Variants in PBX3 observed in about 807,000 individuals in gnomAD.
PBX3 encodes the protein pre-B-cell leukemia transcription factor 3.
In PBX3, 14 loss-of-function variants were observed where a neutral mutation model predicts 48.5. The ratio of observed to expected loss-of-function variants is 0.29; its 90% confidence interval spans 0.19 to 0.45. The LOEUF (loss-of-function observed/expected upper bound fraction) is 0.45. Among genes scored for constraint, PBX3 ranks in the 20% least tolerant of loss-of-function variants. PBX3 has a pLI of 1.00. For missense variants in PBX3, 386 were observed against 546.7 expected (o/e 0.71, Z 2.93); for synonymous variants, 210 against 200.3 (o/e 1.05, Z -0.41).
intron 5 of PBX3, 22 bp from the exon 6 acceptor site, chr9:125,960,662 T>A (rs1450495070): frequency 2.5e-5 from 40 of 1,612,704 alleles, no homozygotes; most frequent in Non-Finnish European, 3.3e-5. Flanking sequence ...CCCCTTCACC[T>A]CCATGTCCCT....
chr9:125,872,583 AC>A (rs1840151088), intron 2 of PBX3, among the ~76,000 whole-genome samples: 1 of 151,828 alleles, frequency 6.6e-6, no homozygotes, highest in Non-Finnish European at 1.5e-5. Context: ...ACATAGCGAG[AC>A]CCCCATCTCA....
At chr9:125,790,915 A>ATT (rs762775562) in intron 2 of PBX3, among the ~76,000 whole-genome samples, 1 of 133,930 alleles carries the variant, frequency 7.5e-6, no homozygotes, top group Non-Finnish European at 1.6e-5. Flanking sequence ...TTACCCTAAT[A>ATT]TTTTTTTTTT....
intron 2 of PBX3, among the ~76,000 whole-genome samples, chr9:125,772,801 C>A (rs1836974160): frequency 6.6e-6 from 1 of 152,040 alleles, no homozygotes; most frequent in African/African-American, 2.4e-5. Context: ...GTTTGCAGGC[C>A]CAAGCCTATA....
rs542669900 is a variant in PBX3 at position 125,867,272 on chromosome 9, G to T, written c.275-48414G>T. ...TTTGAATAAAAGAATAGAAGCCATG[G>T]GTAATACATTTTTAGATGTTTGAAT... On this transcript the variant is annotated intron_variant, in intron 2 of 8. Transcript: ENST00000373489. Among the ~76,000 whole-genome samples, 4 of 152,048 alleles carry T rather than the reference G, an allele frequency of 2.6e-5. No individual in the cohort carries two copies. The East Asian group carries it at 7.7e-4, about 29-fold the overall frequency.
intron 2 of PBX3, among the ~76,000 whole-genome samples, chr9:125,869,896 G>A (rs1179263009): frequency 6.6e-6 from 1 of 152,124 alleles, no homozygotes; most frequent in Non-Finnish European, 1.5e-5. Flanking sequence ...TAAACCATGT[G>A]TATTAGTCCC....
intron 5 of PBX3, among the ~76,000 whole-genome samples, chr9:125,955,466 G>C (rs1049858519): frequency 6.6e-6 from 1 of 152,154 alleles, no homozygotes; most frequent in African/African-American, 2.4e-5. Flanking sequence ...TAAAAAGGGG[G>C]TTTAGAGGTT....
At chr9:125,946,905 A>T (rs1842076584) in intron 5 of PBX3, among the ~76,000 whole-genome samples, 2 of 152,218 alleles carry the variant, frequency 1.3e-5, no homozygotes, top group Admixed American at 6.5e-5. Context: ...AGGAATCCAC[A>T]CTAAACATGG....
chr9:125,929,651 A>G lies in PBX3; in HGVS notation c.517-4A>G, dbSNP rs1315266305. On this transcript the variant is annotated splice_polypyrimidine_tract_variant and splice_region_variant and intron_variant, in intron 3 of 8. Transcript: ENST00000373489. ...AAAGGAGTGATTTTTTTTTCCCATT[A>G]CAGGCATGTAATGAATTTACTACAC... The G allele has an allele frequency of 6.3e-7, 1 of 1,590,062 alleles. No homozygotes were observed. Among genetic ancestry groups the G allele is most frequent in the Non-Finnish European group, 8.6e-7 (1 of 1,168,064 alleles).
At chr9:125,849,096 T>C (rs1839508104) in intron 2 of PBX3, among the ~76,000 whole-genome samples, 1 of 152,014 alleles carries the variant, frequency 6.6e-6, no homozygotes, top group Non-Finnish European at 1.5e-5. Flanking sequence ...AAGATGTTAA[T>C]CAGCTTGCTC....
chr9:125,820,707 T>G (rs1031943473), intron 2 of PBX3, among the ~76,000 whole-genome samples: 1 of 152,234 alleles, frequency 6.6e-6, no homozygotes. Context: ...ATATAGTTAA[T>G]GCTGGTGACA....
chr9:125,836,314 G>A (rs143816349), intron 2 of PBX3, among the ~76,000 whole-genome samples: 3 of 152,216 alleles, frequency 2.0e-5, no homozygotes, highest in East Asian at 1.9e-4. Context: ...GCGTGGTAGC[G>A]GGTGCCTGTA....
intron 5 of PBX3, chr9:125,949,456 C>A (rs572427208): frequency 6.4e-7 from 1 of 1,550,578 alleles, no homozygotes; most frequent in South Asian, 1.2e-5. Flanking sequence ...TATTCACAGG[C>A]TCCCTGAAGG....
rs893376119 is a variant in PBX3 at position 125,966,300 on chromosome 9, A to G, written c.*377A>G. The G allele has an allele frequency of 6.4e-6, 1 of 156,692 alleles. No individual in the cohort carries two copies. Among genetic ancestry groups the G allele is most frequent in the African/African-American group, 2.4e-5 (1 of 41,618 alleles). The allele number at this position is 156,692 out of a possible 1,614,324, so 9.7% of individuals were successfully genotyped here. The stretch of plus-strand genomic sequence containing the variant: ...CTCAACCGTTAAAGCAGATGCAAAA[A>G]TTCACCTCACCTAAATTGAACTTCT... On this transcript the variant is annotated 3_prime_UTR_variant, in exon 9 of 9. Coordinates refer to ENST00000373489, the MANE Select transcript of PBX3 (RefSeq NM_006195.6).
At chr9:125,861,252 T>C (rs909806404) in intron 2 of PBX3, among the ~76,000 whole-genome samples, 1 of 152,120 alleles carries the variant, frequency 6.6e-6, no homozygotes, top group African/African-American at 2.4e-5. Flanking sequence ...TGAGCCGTGA[T>C]TGAGCCACTG....
At chr9:125,860,331 C>T (rs1049219858) in intron 2 of PBX3, among the ~76,000 whole-genome samples, 1 of 152,116 alleles carries the variant, frequency 6.6e-6, no homozygotes, top group Admixed American at 6.5e-5. Flanking sequence ...CCCAAGGGGA[C>T]AGGTAGTATA....
At chr9:125,880,323 G>T (rs976653214) in intron 2 of PBX3, among the ~76,000 whole-genome samples, 1 of 152,222 alleles carries the variant, frequency 6.6e-6, no homozygotes, top group South Asian at 2.1e-4. Flanking sequence ...GATTACAGGC[G>T]TGAGCCACTG....
chr9:125,816,574 C>A (rs1006888544), intron 2 of PBX3, among the ~76,000 whole-genome samples: 1 of 152,124 alleles, frequency 6.6e-6, no homozygotes, highest in Non-Finnish European at 1.5e-5. Flanking sequence ...AGGATTAGAG[C>A]GGCTAAGTAA....
Position 125,918,272 on chromosome 9 carries a change from G to A in PBX3, c.516+2345G>A, listed in dbSNP as rs368080159. On this transcript the variant is annotated intron_variant, in intron 3 of 8. Transcript: ENST00000373489. The stretch of plus-strand genomic sequence containing the variant: ...TGAAGCTGGTGTCAGTCAATGACAA[G>A]GTCCTGAGTCTCACTGTTTTAGAAA... Among the ~76,000 whole-genome samples the A allele has an allele frequency of 9.8e-5, 15 of 152,322 alleles. No homozygotes were observed. In the South Asian group the frequency reaches 2.9e-3, roughly 29 times the overall value.
chr9:125,918,607 T>C (rs994385593), intron 3 of PBX3, among the ~76,000 whole-genome samples: 22 of 152,202 alleles, frequency 1.4e-4, no homozygotes, highest in Non-Finnish European at 2.1e-4. Flanking sequence ...AATATAGATA[T>C]ATAAAATCTG....
Sources: allele counts gnomAD v4.1 joint callset (sites outside exome capture counted in the v4.1 genomes callset), GRCh38; gene constraint gnomAD v4.1.1; transcripts MANE v1.5; gene names NCBI Gene and HGNC (gene_info 2026-07-23, HGNC 2026-07-21).